The following PFKFB4 variants were observed in gnomAD, a reference collection of about 807,000 sequenced individuals.
PFKFB4 encodes the protein 6-phosphofructo-2-kinase/fructose-2,6-biphosphatase 4.
PFKFB4 carries 42 observed loss-of-function variants against 62.8 expected under a neutral mutation model. That is an observed-to-expected ratio of 0.67 (90% confidence interval 0.52 to 0.86). The LOEUF (loss-of-function observed/expected upper bound fraction) is 0.86. Among genes scored for constraint, PFKFB4 ranks in the 40% least tolerant of loss-of-function variants. PFKFB4 has a pLI of 0.00. For synonymous variants in PFKFB4, 204 were observed against 240.7 expected (o/e 0.85, Z 1.41); for missense variants, 475 against 627.2 (o/e 0.76, Z 2.59).
At position 48,535,513 on chromosome 3, in the gene PFKFB4, G is replaced by A. The variant is rs757272250; in HGVS notation, c.986C>T (p.Ala329Val). 2.1e-5 allele frequency: 34 copies of A among 1,612,544 alleles called. No homozygotes were observed. Among genetic ancestry groups the A allele is most frequent in the Non-Finnish European group, 2.8e-5 (33 of 1,178,862 alleles). The change falls in exon 9 of 14, where the codon GCG (alanine) becomes GTG (valine). Residue 329 changes from alanine to valine, a missense_variant and splice_region_variant. Coordinates refer to ENST00000232375, the MANE Select transcript of PFKFB4 (RefSeq NM_004567.4). ...EQWKVLNEID[A>V]GVCEEMTYEE... ...CAGGGAGGGAGGGACGGTAACTACCGCATCGATCTCGTTGAGGACCTTCCA... is the reference window on the plus strand; with the variant it reads ...CAGGGAGGGAGGGACGGTAACTACCACATCGATCTCGTTGAGGACCTTCCA...
chr3:48,531,516 C>T (rs1237229455), intron 9 of PFKFB4, among the ~76,000 whole-genome samples: 1 of 151,076 alleles, frequency 6.6e-6, no homozygotes, highest in African/African-American at 2.4e-5. Flanking sequence ...TCTCAGCTCA[C>T]CACAACCTCC....
At chr3:48,534,017 A>G (rs2042514295) in intron 9 of PFKFB4, among the ~76,000 whole-genome samples, 1 of 152,226 alleles carries the variant, frequency 6.6e-6, no homozygotes, top group Non-Finnish European at 1.5e-5. Flanking sequence ...TAATGAAGAA[A>G]TAATGGAAGA....
intron 9 of PFKFB4, among the ~76,000 whole-genome samples, chr3:48,528,810 C>T (rs2107487284): frequency 6.6e-6 from 1 of 152,190 alleles, no homozygotes; most frequent in South Asian, 2.1e-4. Flanking sequence ...TGTTATTTGG[C>T]AATGTAAAGG....
Position 48,519,797 on chromosome 3 carries a change from T to C in PFKFB4, c.1360A>G (p.Ile454Val), listed in dbSNP as rs1452334661. 6.8e-6 allele frequency: 11 copies of C among 1,613,492 alleles called. No homozygotes were observed. The highest frequency in any genetic ancestry group is 1.7e-4 in the Middle Eastern group (1 of 6,046). ...THRDRPQNVD[I>V]SRPPEEALVT... is the part of the protein sequence containing the mutation. ...AGGGCTTCCTCTGGAGGTCTTGAGA[T>C]GTCCACGTTCTGTACAATAAAAACA... Residue 454 changes from isoleucine (I) to valine (V), a missense_variant, in exon 14 of 14, where the codon ATC (isoleucine) becomes GTC (valine). Coordinates refer to ENST00000232375, the MANE Select transcript of PFKFB4 (RefSeq NM_004567.4).
intron 3 of PFKFB4, 26 bp downstream of exon 3, chr3:48,549,838 C>T (rs761529557): frequency 2.1e-6 from 3 of 1,415,574 alleles, no homozygotes; most frequent in East Asian, 2.3e-5. Context: ...GCAACCTCTC[C>T]CCCCACACCC....
At chr3:48,535,251 C>A (rs2042559258) in intron 9 of PFKFB4, among the ~76,000 whole-genome samples, 1 of 152,164 alleles carries the variant, frequency 6.6e-6, no homozygotes, top group Non-Finnish European at 1.5e-5. Context: ...CATGAGGAAC[C>A]CTAGCAGGAG....
upstream of PFKFB4, chr3:48,557,038 G>A (rs1461134619): frequency 1.7e-6 from 2 of 1,192,124 alleles, no homozygotes; most frequent in Non-Finnish European, 2.2e-6. Flanking sequence ...GATCGAGAAT[G>A]CGCATGCTCA....
chr3:48,533,300 A>C (rs1289499275), intron 9 of PFKFB4, among the ~76,000 whole-genome samples: 1 of 152,224 alleles, frequency 6.6e-6, no homozygotes, highest in African/African-American at 2.4e-5. Context: ...GTTGCATAAC[A>C]ATGTAAATGT....
chr3:48,550,029 C>G lies in PFKFB4; in HGVS notation c.215-69G>C, dbSNP rs1489431695. On this transcript the variant is annotated intron_variant, in intron 2 of 13. Coordinates refer to ENST00000232375, the MANE Select transcript of PFKFB4 (RefSeq NM_004567.4). ...CTACCAACCCTGACCTTGACCCAAC[C>G]CCAGGCCAAATAATAGAGAATAGGC... 2.8e-6 allele frequency: 4 copies of G among 1,432,948 alleles called. No individual in the cohort carries two copies. In the South Asian group the frequency reaches 4.6e-5, roughly 16 times the overall value. 88.8% of individuals were successfully genotyped at this position (1,432,948 alleles called of 1,614,324 possible).
chr3:48,562,732 C>G (rs1356289456), upstream of PFKFB4: 9 of 1,473,358 alleles, frequency 6.1e-6, no homozygotes, highest in East Asian at 2.2e-4. The surrounding 1 kb of genome is among the most constrained non-coding windows in gnomAD (Gnocchi z 4.3). Context: ...TGTGGCTGCC[C>G]TCCAGGTCTT....
intron 13 of PFKFB4, among the ~76,000 whole-genome samples, chr3:48,520,432 G>A (rs1349034119): frequency 6.6e-6 from 1 of 152,160 alleles, no homozygotes; most frequent in Non-Finnish European, 1.5e-5. Flanking sequence ...CTCTGAGGCT[G>A]TCTTATGTGC....
chr3:48,529,969 T>C (rs1007863429), intron 9 of PFKFB4, among the ~76,000 whole-genome samples: 1 of 151,326 alleles, frequency 6.6e-6, no homozygotes, highest in Non-Finnish European at 1.5e-5. Context: ...TAAAATAAAA[T>C]AGGCCAGGCA....
chr3:48,543,991 G>GCCCC (rs532957386), intron 3 of PFKFB4, among the ~76,000 whole-genome samples: 1 of 145,266 alleles, frequency 6.9e-6, no homozygotes, highest in African/African-American at 2.6e-5. Context: ...ATCAAAATAA[G>GCCCC]CCCCCCCCCG....
chr3:48,535,625 G>A lies in PFKFB4; in HGVS notation c.874C>T (p.Gln292Ter), dbSNP rs1485885538. Residue 292 changes from glutamine (Q) to a stop codon, truncating the protein, a stop_gained, in exon 9 of 14, where the codon CAA becomes TAA. Transcript: ENST00000232375. LOFTEE classifies it high-confidence loss of function. ...CAGACCTTCAGATCCTTGATATTTT[G>A]GTCACTGATGAACTGGGCTAGACTC... Reference protein sequence around the residue: ...AKSLAQFISDQNIKDLKVWTS... With the variant: ...AKSLAQFISD 1.2e-6 allele frequency: 2 copies of A among 1,614,008 alleles called. No individual in the cohort carries two copies. The highest frequency in any genetic ancestry group is 1.7e-6 in the Non-Finnish European group (2 of 1,179,956).
intron 3 of PFKFB4, among the ~76,000 whole-genome samples, chr3:48,543,892 T>C (rs1444882133): frequency 1.3e-5 from 2 of 152,178 alleles, no homozygotes; most frequent in Non-Finnish European, 2.9e-5. Context: ...TACGTTTCTG[T>C]ATTTTCCCTC....
chr3:48,541,145 C>T (rs1280513155), intron 4 of PFKFB4, among the ~76,000 whole-genome samples: 3 of 149,142 alleles, frequency 2.0e-5, no homozygotes, highest in Non-Finnish European at 3.0e-5. Context: ...AGTGCAGTGG[C>T]GCGATCTCAG....
intron 3 of PFKFB4, among the ~76,000 whole-genome samples, chr3:48,546,295 G>T (rs2042963369): frequency 6.6e-6 from 1 of 152,154 alleles, no homozygotes; most frequent in Non-Finnish European, 1.5e-5. Flanking sequence ...ATGCACCCAT[G>T]TGTATAAGTT....
upstream of PFKFB4, chr3:48,561,044 G>T (rs557891636): frequency 5.2e-5 from 66 of 1,273,934 alleles, no homozygotes; most frequent in African/African-American, 9.0e-4. The surrounding 1 kb of genome is among the most constrained non-coding windows in gnomAD (Gnocchi z 5.2). Flanking sequence ...ACGCTGTCCC[G>T]TGCCTACCCC....
intron 1 of PFKFB4, among the ~76,000 whole-genome samples, chr3:48,555,592 T>G (rs920115074): frequency 6.6e-6 from 1 of 152,206 alleles, no homozygotes; most frequent in Non-Finnish European, 1.5e-5. Context: ...AAACAAATCT[T>G]TCTTTTCCTG....
Sources: allele counts gnomAD v4.1 joint callset (sites outside exome capture counted in the v4.1 genomes callset), GRCh38; gene constraint gnomAD v4.1.1; non-coding constraint Gnocchi (gnomAD v3.1); transcripts MANE v1.5; gene names NCBI Gene and HGNC (gene_info 2026-07-23, HGNC 2026-07-21).